MMAB: variants seen among roughly 807,000 people sequenced by gnomAD.
MMAB encodes corrinoid adenosyltransferase MMAB.
In MMAB, 17 loss-of-function variants were observed where a neutral mutation model predicts 30.6. The ratio of observed to expected loss-of-function variants is 0.56; its 90% CI spans 0.38 to 0.83. The LOEUF (loss-of-function observed/expected upper bound fraction) is 0.83. Ranked by LOEUF, MMAB falls within the 40% of genes least tolerant of loss-of-function variation. The probability of loss-of-function intolerance (pLI) is 0.00; values close to 1 mark genes in which losing one functional copy is unlikely to be tolerated. For missense variants in MMAB, 311 were observed against 331.6 expected (o/e 0.94, Z 0.48); for synonymous variants, 134 against 138.6 (o/e 0.97, Z 0.23).
intron 4 of MMAB, among the ~76,000 whole-genome samples, chr12:109,563,281 G>A (rs185862760): frequency 6.6e-6 from 1 of 152,372 alleles, no homozygotes; most frequent in East Asian, 1.9e-4. Context: ...CCTGGCTGTG[G>A]GGGCTGGGCA....
Position 109,561,355 on chromosome 12 carries a change from G to C in MMAB, c.519+65C>G. 1 of 1,541,322 alleles carries C rather than the reference G, an allele frequency of 6.5e-7. No homozygotes were observed. The highest frequency in any genetic ancestry group is 8.7e-7 in the Non-Finnish European group (1 of 1,144,468). Reference sequence around the variant, plus strand: ...CTGTGAAAAGAGGGATTTATTCAGAGCCCATGTGTGTCTGTCACTGAACCT... The same window carrying C: ...CTGTGAAAAGAGGGATTTATTCAGACCCCATGTGTGTCTGTCACTGAACCT... On this transcript the variant is annotated intron_variant, in intron 6 of 8. Coordinates refer to ENST00000545712, the MANE Select transcript of MMAB (RefSeq NM_052845.4). The surrounding 1 kb of genome is among the most constrained non-coding windows in gnomAD (Gnocchi z 5.3).
chr12:109,553,992 G>T lies in MMAB; in HGVS notation c.*3036C>A. 2.2e-6 allele frequency: 1 copy of T among 454,068 alleles called. No individual in the cohort carries two copies. Among genetic ancestry groups the T allele is most frequent in the South Asian group, 1.6e-5 (1 of 64,456 alleles). 28.1% of individuals were successfully genotyped at this position (454,068 alleles called of 1,614,324 possible). A position where few individuals can be genotyped will look rare whatever the true frequency, so the allele number is the denominator to read the frequency against. Reference sequence around the variant, plus strand: ...CATTAACGATAGCCATGAAATATTAGTTAAGGGAAACTAGGTTGAGAAATG... The same window carrying T: ...CATTAACGATAGCCATGAAATATTATTTAAGGGAAACTAGGTTGAGAAATG... On this transcript the variant is annotated 3_prime_UTR_variant, in exon 9 of 9. Coordinates refer to ENST00000545712, the MANE Select transcript of MMAB (RefSeq NM_052845.4).
rs1409284359 is a variant in MMAB at position 109,553,764 on chromosome 12, T to C, written c.*3264A>G. ...TATTATACAAAGAATTTTATTCAAT[T>C]AAACTTGAAATGCATCTGGATTCTT... On this transcript the variant is annotated 3_prime_UTR_variant, in exon 9 of 9. Coordinates refer to ENST00000545712, the MANE Select transcript of MMAB (RefSeq NM_052845.4). The C allele has an allele frequency of 4.7e-6, 2 of 426,526 alleles. No homozygotes were observed. Among genetic ancestry groups the C allele is most frequent in the South Asian group, 3.3e-5 (2 of 60,872 alleles). 26.4% of individuals were successfully genotyped at this position (426,526 alleles called of 1,614,324 possible).
Position 109,555,394 on chromosome 12 carries a change from T to G in MMAB, c.*1634A>C, listed in dbSNP as rs1438313718. 4.8e-6 allele frequency: 2 copies of G among 418,992 alleles called. No homozygotes were observed. The highest frequency in any genetic ancestry group is 2.1e-5 in the African/African-American group (1 of 46,636). 26.0% of individuals were successfully genotyped at this position (418,992 alleles called of 1,614,324 possible). A position where few individuals can be genotyped will look rare whatever the true frequency, so the allele number is the denominator to read the frequency against. On this transcript the variant is annotated 3_prime_UTR_variant, in exon 9 of 9. Coordinates refer to ENST00000545712, the MANE Select transcript of MMAB (RefSeq NM_052845.4). ...GCCTCGTAGGTTCAAGTGATTCTCC[T>G]GCCTCAGCCTCCTGAATAGCTGGGA...
At position 109,554,908 on chromosome 12, in the gene MMAB, G is replaced by A; in HGVS notation, c.*2120C>T. 1 of 454,138 alleles carries A rather than the reference G, an allele frequency of 2.2e-6. No homozygotes were observed. Among genetic ancestry groups the A allele is most frequent in the South Asian group, 1.6e-5 (1 of 64,476 alleles). 28.1% of individuals were successfully genotyped at this position (454,138 alleles called of 1,614,324 possible). ...AGTGGTGGCATCTGCCCTGCACCCA[G>A]GTGGTTTCTCAGAGAAGTGTTTGCT... is the stretch of plus-strand genomic sequence containing the variant. On this transcript the variant is annotated 3_prime_UTR_variant, in exon 9 of 9. Coordinates refer to ENST00000545712, the MANE Select transcript of MMAB (RefSeq NM_052845.4).
rs1419444991 is a variant in MMAB, at chr12:109,556,462, C to G, written c.*566G>C. On this transcript the variant is annotated 3_prime_UTR_variant, in exon 9 of 9. Coordinates refer to ENST00000545712, the MANE Select transcript of MMAB (RefSeq NM_052845.4). Reference sequence around the variant, plus strand: ...CCTGTCAATCTGCAGCTATCCTTCCCCCACACTTTGGCGGTGATGGGTGGC... The same window carrying G: ...CCTGTCAATCTGCAGCTATCCTTCCGCCACACTTTGGCGGTGATGGGTGGC... The G allele has an allele frequency of 2.2e-6, 1 of 454,078 alleles. No homozygotes were observed. Among genetic ancestry groups the G allele is most frequent in the Admixed American group, 2.3e-5 (1 of 42,558 alleles). 28.1% of individuals were successfully genotyped at this position (454,078 alleles called of 1,614,324 possible). A position where few individuals can be genotyped will look rare whatever the true frequency, so the allele number is the denominator to read the frequency against.
intron 3 of MMAB, among the ~76,000 whole-genome samples, chr12:109,565,932 T>A (rs1255504580): frequency 6.6e-6 from 1 of 152,072 alleles, no homozygotes; most frequent in Non-Finnish European, 1.5e-5. Context: ...CACCAGTCAG[T>A]GCCCCAGCAG....
At chr12:109,566,263 G>A (rs754180) in intron 3 of MMAB, among the ~76,000 whole-genome samples, 5 of 152,152 alleles carry the variant, frequency 3.3e-5, no homozygotes, top group East Asian at 1.9e-4. Context: ...CCAACGAATC[G>A]AGGTGGCACA....
chr12:109,560,908 C>A (rs1007650389), intron 7 of MMAB, 132 bp downstream of exon 7: 12 of 910,748 alleles, frequency 1.3e-5, no homozygotes, highest in Non-Finnish European at 2.1e-5. Context: ...CCCTGCTGTA[C>A]CTGCCTCCTG....
rs1047443761 is a variant in MMAB, at chr12:109,561,514, T to G, written c.425A>C (p.Tyr142Ser). The stretch of plus-strand genomic sequence containing the variant: ...GATGGGCCCCGCCTTGAACGTGGTA[T>G]ACTCTGAGGAGCCAAGGAGCAGAGG... ...CSSAREAHLK[Y>S]TTFKAGPILE... Residue 142 changes from tyrosine (Y) to serine (S), a missense_variant, in exon 6 of 9, where the codon TAT becomes TCT. Tyr to Ser is a moderately radical substitution (Grantham distance 144). Coordinates refer to ENST00000545712, the MANE Select transcript of MMAB (RefSeq NM_052845.4). The surrounding 1 kb of genome is among the most constrained non-coding windows in gnomAD (Gnocchi z 5.3). 48 of 1,548,474 alleles carry G rather than the reference T, an allele frequency of 3.1e-5. 1 individual carries two copies. Among genetic ancestry groups the G allele is most frequent in the Non-Finnish European group, 4.1e-5 (47 of 1,146,872 alleles).
At chr12:109,564,434 A>C (rs993165246) in intron 4 of MMAB, among the ~76,000 whole-genome samples, 6 of 149,656 alleles carry the variant, frequency 4.0e-5, no homozygotes, top group Non-Finnish European at 7.4e-5. Flanking sequence ...CCCAGGCTAC[A>C]GTGCAGTGGT....
In MMAB at chr12:109,568,772, A is replaced by C. The variant is rs62000414; in HGVS notation, c.288T>G (p.Ile96Met). The change falls in exon 3 of 9, where the codon ATT (isoleucine) becomes ATG (methionine). Residue 96 changes from isoleucine (I) to methionine (M), a missense_variant and splice_region_variant. Coordinates refer to ENST00000545712, the MANE Select transcript of MMAB (RefSeq NM_052845.4). ...AAGGCCAATCCTGTCCCCCTTACCC[A>C]ATAGCTGAACTTAATTCATCTGTAG... The part of the protein sequence containing the change: ...VGTTDELSSA[I>M]GFALELVTEK... The C allele has an allele frequency of 3.1e-6, 5 of 1,612,986 alleles. No homozygotes were observed. The highest frequency in any genetic ancestry group is 4.2e-6 in the Non-Finnish European group (5 of 1,178,982).
intron 4 of MMAB, chr12:109,564,878 T>TATA (rs1364057527): frequency 1.8e-5 from 11 of 611,898 alleles, no homozygotes; most frequent in Non-Finnish European, 2.9e-5. Context: ...AGGGTCTTAT[T>TATA]ATGTTACCTA....
chr12:109,566,393 A>C (rs1482311691), intron 3 of MMAB, among the ~76,000 whole-genome samples: 1 of 152,238 alleles, frequency 6.6e-6, no homozygotes, highest in Non-Finnish European at 1.5e-5. Context: ...TTAGAACTAA[A>C]CACACCAGTA....
At chr12:109,568,739 G>T in intron 3 of MMAB, 31 bp downstream of exon 3, 1 of 1,549,258 alleles carries the variant, frequency 6.5e-7, no homozygotes, top group Non-Finnish European at 8.9e-7. Context: ...CGACTCAAAC[G>T]CAACCTCAAG....
intron 8 of MMAB, among the ~76,000 whole-genome samples, chr12:109,557,398 A>T (rs1200628499): frequency 6.6e-6 from 1 of 152,170 alleles, no homozygotes; most frequent in African/African-American, 2.4e-5. Flanking sequence ...GCCCTACCCC[A>T]TGGGGCAGAT....
At position 109,573,349 on chromosome 12, in the gene MMAB, G is replaced by T. The variant is rs747649185; in HGVS notation, c.132C>A (p.Asp44Glu). The T allele has an allele frequency of 6.2e-7, 1 of 1,613,304 alleles. No individual in the cohort carries two copies. Among genetic ancestry groups the T allele is most frequent in the South Asian group, 1.1e-5 (1 of 91,048 alleles). The change falls in exon 1 of 9, where the codon GAC becomes GAA. Residue 44 changes from aspartate to glutamate, a missense_variant and splice_region_variant. By Grantham distance (45) the Asp-to-Glu change is conservative. Transcript: ENST00000545712. The part of the protein sequence containing the change: ...SRGPQGVEDG[D>E]RPQPSSKTPR... ...TGCCCTTCCCGCCAGCCACTCACCT[G>T]TCCCCGTCTTCCACGCCCTGAGGGC... is the stretch of plus-strand genomic sequence containing the variant.
At chr12:109,562,529 G>C (rs1050712237) in intron 4 of MMAB, among the ~76,000 whole-genome samples, 1 of 152,204 alleles carries the variant, frequency 6.6e-6, no homozygotes. Context: ...GCTGGGTTAA[G>C]CAGATGACAC....
intron 4 of MMAB, among the ~76,000 whole-genome samples, chr12:109,564,344 TTA>T (rs769055447): frequency 1.3e-5 from 2 of 151,966 alleles, no homozygotes; most frequent in Non-Finnish European, 2.9e-5. Context: ...TGAAGGAAGA[TTA>T]TATGTCTCCA....
Sources: gnomAD v4.1 joint callset for allele counts (sites outside exome capture counted in the v4.1 genomes callset) on GRCh38, gnomAD v4.1.1 for gene constraint, Gnocchi (gnomAD v3.1) non-coding constraint, MANE v1.5 for transcripts, NCBI Gene and HGNC (gene_info 2026-07-23, HGNC 2026-07-21) for gene names.